The following ARHGEF18 variants were observed in gnomAD, a reference collection of about 807,000 sequenced individuals.
ARHGEF18 encodes the protein Rho/Rac guanine nucleotide exchange factor 18.
ARHGEF18 carries 93 observed loss-of-function variants against 155.7 expected under a neutral mutation model. That is an observed-to-expected ratio of 0.60 (90% CI 0.50 to 0.71). The LOEUF (loss-of-function observed/expected upper bound fraction) is 0.71, where lower values mean the gene tolerates loss of function less well. Ranked by LOEUF, ARHGEF18 falls within the 30% of genes least tolerant of loss-of-function variation. The probability of loss-of-function intolerance (pLI) is 0.00; values close to 1 mark genes in which losing one functional copy is unlikely to be tolerated. For missense variants in ARHGEF18, 1,593 were observed against 1,816.1 expected (o/e 0.88, Z 2.23); for synonymous variants, 742 against 753.1 (o/e 0.99, Z 0.24).
Position 7,470,147 on chromosome 19 carries a change from G to T in ARHGEF18, c.3935G>T (p.Ser1312Ile). ...CCAGACCCTGGCTTCCCCGCCCCGA[G>T]CCCACCGCCAGCTGACAGCCCCTCC... ...PPPDPGFPAP[S>I]PPPADSPSEG... Residue 1312 changes from serine to isoleucine, a missense_variant, in exon 29 of 29, where the codon AGC becomes ATC. Ser to Ile is a moderately radical substitution (Grantham distance 142). Transcript: ENST00000668164. The surrounding 1 kb of genome is among the most constrained non-coding windows in gnomAD (Gnocchi z 5.9). The T allele has an allele frequency of 6.2e-7, 1 of 1,612,164 alleles. No individual in the cohort carries two copies. Among genetic ancestry groups the T allele is most frequent in the Non-Finnish European group, 8.5e-7 (1 of 1,179,626 alleles).
rs981044170 is a variant in ARHGEF18 at position 7,410,956 on chromosome 19, ATACT to A, written c.967+27755_967+27758del. Among the ~76,000 whole-genome samples, 519 of 143,596 alleles carry A rather than the reference ATACT, an allele frequency of 3.6e-3. 1 individual carries two copies. The highest frequency in any genetic ancestry group is 0.012 in the African/African-American group (493 of 41,086). 94.2% of individuals were successfully genotyped at this position (143,596 alleles called of 152,430 possible). ...TGGAATAGTTTTGCTGGGACCTCTT[ATACT>A]TCAGCATCTGGCCTGTACCCAGTGT... is the stretch of plus-strand genomic sequence containing the variant. On this transcript the variant is annotated intron_variant, in intron 10 of 28. Coordinates refer to ENST00000668164, the MANE Select transcript of ARHGEF18 (RefSeq NM_001367823.1).
intron 10 of ARHGEF18, among the ~76,000 whole-genome samples, chr19:7,426,734 G>C (rs1973689352): frequency 6.6e-6 from 1 of 152,152 alleles, no homozygotes; most frequent in African/African-American, 2.4e-5. Flanking sequence ...CAGGATAAAG[G>C]CCTTAGGATG....
At chr19:7,409,057 CTTTTT>C in intron 10 of ARHGEF18, among the ~76,000 whole-genome samples, 1 of 115,540 alleles carries the variant, frequency 8.7e-6, no homozygotes, top group African/African-American at 3.7e-5. Flanking sequence ...GACCCTGTTT[CTTTTT>C]TTTTTTTTTT....
In ARHGEF18 at chr19:7,440,563, C is replaced by A; in HGVS notation, c.1106+81C>A. The A allele has an allele frequency of 1.4e-6, 2 of 1,475,658 alleles. No homozygotes were observed. Among genetic ancestry groups the A allele is most frequent in the South Asian group, 2.6e-5 (2 of 78,070 alleles). The allele number at this position is 1,475,658 out of a possible 1,614,324, so 91.4% of individuals were successfully genotyped here. On this transcript the variant is annotated intron_variant, in intron 11 of 28. Transcript: ENST00000668164. This position sits in a 1 kb window ranked among gnomAD's most constrained non-coding sequence, Gnocchi z 5.4. ...TGTTGACAGCCTCTTCGGAGGGAGA[C>A]CCCGACTTAGATCTGTGTGAATCCA...
At chr19:7,386,980 C>G (rs1971117432) in intron 10 of ARHGEF18, among the ~76,000 whole-genome samples, 1 of 152,070 alleles carries the variant, frequency 6.6e-6, no homozygotes, top group South Asian at 2.1e-4. Context: ...TTCAGTCCCC[C>G]TGAAGTTGTA....
chr19:7,372,855 T>G lies in ARHGEF18; in HGVS notation c.59T>G (p.Leu20Arg). The change falls in exon 3 of 29, where the codon CTC (leucine) becomes CGC (arginine). Residue 20 changes from leucine to arginine, a missense_variant. Leu to Arg is a moderately radical substitution (Grantham distance 102). Coordinates refer to ENST00000668164, the MANE Select transcript of ARHGEF18 (RefSeq NM_001367823.1). ...PRRLSESMED[L>R]SLDLGALQGS... ...CGGCTCAGCGAGAGTATGGAGGACC[T>G]CAGCCTGGATTTGGGGGCCCTTCAG... 3.2e-6 allele frequency: 4 copies of G among 1,234,502 alleles called. No homozygotes were observed. The highest frequency in any genetic ancestry group is 4.0e-6 in the Non-Finnish European group (4 of 988,270). 76.5% of individuals were successfully genotyped at this position (1,234,502 alleles called of 1,614,324 possible). A position where few individuals can be genotyped will look rare whatever the true frequency, so the allele number is the denominator to read the frequency against.
At position 7,471,094 on chromosome 19, in the gene ARHGEF18, G is replaced by A. The variant is rs959979892; in HGVS notation, c.*796G>A. On this transcript the variant is annotated 3_prime_UTR_variant, in exon 29 of 29. Coordinates refer to ENST00000668164, the MANE Select transcript of ARHGEF18 (RefSeq NM_001367823.1). This position sits in a 1 kb window ranked among gnomAD's most constrained non-coding sequence, Gnocchi z 4.4. Reference sequence around the variant, plus strand: ...TGCTGTTCACACGCTCAGCCTGTCTGGGGGAGCGGGCCTCTAGCTTCAGCC... The same window carrying A: ...TGCTGTTCACACGCTCAGCCTGTCTAGGGGAGCGGGCCTCTAGCTTCAGCC... 1 of 326,856 alleles carries A rather than the reference G, an allele frequency of 3.1e-6. No individual in the cohort carries two copies. The highest frequency in any genetic ancestry group is 5.5e-6 in the Non-Finnish European group (1 of 181,176). 20.2% of individuals were successfully genotyped at this position (326,856 alleles called of 1,614,324 possible).
chr19:7,476,721 G>A (rs1039889607), downstream of ARHGEF18, among the ~76,000 whole-genome samples: 11 of 152,190 alleles, frequency 7.2e-5, no homozygotes, highest in Non-Finnish European at 1.5e-4. Context: ...TGGGGTCCGT[G>A]GGCAACGCTT....
Position 7,389,048 on chromosome 19 carries a change from C to T in ARHGEF18, c.967+5845C>T, listed in dbSNP as rs920357551. On this transcript the variant is annotated intron_variant, in intron 10 of 28. Coordinates refer to ENST00000668164, the MANE Select transcript of ARHGEF18 (RefSeq NM_001367823.1). ...TTGCCCAGGCTGGAGTGCGGTGGCA[C>T]GATCACAGCTTACTGCAGCCTCGAC... Among the ~76,000 whole-genome samples, 3 of 150,666 alleles carry T rather than the reference C, an allele frequency of 2.0e-5. 1 individual carries two copies. The highest frequency in any genetic ancestry group is 4.2e-4 in the South Asian group (2 of 4,754).
At chr19:7,369,330 A>T (rs571169584) in intron 2 of ARHGEF18, among the ~76,000 whole-genome samples, 2 of 152,082 alleles carry the variant, frequency 1.3e-5, no homozygotes, top group African/African-American at 4.8e-5. Context: ...GCGTGGTGGC[A>T]CATGCCTGTA....
chr19:7,411,949 A>G (rs1972709761), intron 10 of ARHGEF18, among the ~76,000 whole-genome samples: 1 of 152,000 alleles, frequency 6.6e-6, no homozygotes, highest in African/African-American at 2.4e-5. Context: ...GCTGAATAAT[A>G]TTACAGTGTG....
intron 10 of ARHGEF18, among the ~76,000 whole-genome samples, chr19:7,393,717 G>A (rs1971530556): frequency 6.6e-6 from 1 of 151,468 alleles, no homozygotes; most frequent in African/African-American, 2.4e-5. Context: ...GCACCTGTGT[G>A]GAAGTGGATA....
intron 10 of ARHGEF18, among the ~76,000 whole-genome samples, chr19:7,431,442 C>T (rs917306370): frequency 9.4e-5 from 12 of 127,896 alleles, no homozygotes; most frequent in Non-Finnish European, 6.3e-5. Context: ...GCTTGGGAGG[C>T]GGAGGTTGCA....
chr19:7,440,396 C>A lies in ARHGEF18; in HGVS notation c.1020C>A (p.Ala340=). 1 of 1,609,030 alleles carries A rather than the reference C, an allele frequency of 6.2e-7. No individual in the cohort carries two copies. Among genetic ancestry groups the A allele is most frequent in the Non-Finnish European group, 8.5e-7 (1 of 1,179,992 alleles). The change falls in exon 11 of 29, where the codon GCC becomes GCA. Residue 340 remains alanine (A), a synonymous_variant. Coordinates refer to ENST00000668164, the MANE Select transcript of ARHGEF18 (RefSeq NM_001367823.1). The surrounding 1 kb of genome is among the most constrained non-coding windows in gnomAD (Gnocchi z 5.4). ...CCCTCCTGTCCGATGGCAGCCCGGCCCTGTCCAGGAATGTCGGTATGACGG... is the reference window on the plus strand; with the variant it reads ...CCCTCCTGTCCGATGGCAGCCCGGCACTGTCCAGGAATGTCGGTATGACGG... ...RGTLLSDGSP[A]LSRNVGMTVS...
chr19:7,413,447 G>A (rs764917336), intron 10 of ARHGEF18, among the ~76,000 whole-genome samples: 1 of 151,802 alleles, frequency 6.6e-6, no homozygotes, highest in Non-Finnish European at 1.5e-5. Flanking sequence ...GACTACAGGC[G>A]CCCGCCACCA....
At chr19:7,393,047 CAAAAAAAAAAA>C (rs60015151) in intron 10 of ARHGEF18, among the ~76,000 whole-genome samples, 19 of 56,686 alleles carry the variant, frequency 3.4e-4, no homozygotes, top group Admixed American at 9.9e-4. Context: ...GATCCTGTCT[CAAAAAAAAAAA>C]AAAAAAAAAA....
intron 10 of ARHGEF18, among the ~76,000 whole-genome samples, chr19:7,392,240 C>CAAA (rs3997574): frequency 6.5e-4 from 47 of 71,910 alleles, no homozygotes; most frequent in African/African-American, 1.5e-3. Flanking sequence ...GACTCCGTCT[C>CAAA]AAAAAAAAAA....
In ARHGEF18 at chr19:7,469,070, C is replaced by T. The variant is rs933599653; in HGVS notation, c.3726C>T (p.Ser1242=). The change falls in exon 27 of 29, where the codon TCC becomes TCT. Residue 1242 remains serine, a synonymous_variant. Transcript: ENST00000668164. ...QQQIPTKLAA[S]TKGGKDKGGK... ...AGATCCCCACCAAGCTGGCGGCCTC[C>T]ACCAAGGGTGGCAAGGACAAGGGCG... 2 of 1,608,890 alleles carry T rather than the reference C, an allele frequency of 1.2e-6. No homozygotes were observed. Among genetic ancestry groups the T allele is most frequent in the African/African-American group, 1.3e-5 (1 of 74,878 alleles).
In ARHGEF18 at chr19:7,467,573, G is replaced by A; in HGVS notation, c.3369G>A (p.Leu1123=). ...CCTACCAGCACGACCTGGAGCGGCT[G>A]CGCGAGGCCCAGCGTGCCGTGGAGC... ...RQAYQHDLER[L]REAQRAVERE... is the part of the protein sequence containing the mutation. Residue 1123 remains leucine (L), a synonymous_variant, in exon 26 of 29, where the codon CTG becomes CTA. Coordinates refer to ENST00000668164, the MANE Select transcript of ARHGEF18 (RefSeq NM_001367823.1). The A allele has an allele frequency of 6.7e-7, 1 of 1,498,544 alleles. No individual in the cohort carries two copies. The highest frequency in any genetic ancestry group is 8.8e-7 in the Non-Finnish European group (1 of 1,132,114). 92.8% of individuals were successfully genotyped at this position (1,498,544 alleles called of 1,614,324 possible).
Sources: allele counts gnomAD v4.1 joint callset (sites outside exome capture counted in the v4.1 genomes callset), GRCh38; gene constraint gnomAD v4.1.1; non-coding constraint Gnocchi (gnomAD v3.1); transcripts MANE v1.5; gene names NCBI Gene and HGNC (gene_info 2026-07-23, HGNC 2026-07-21).